The following DMD variants were observed in gnomAD, a reference collection of about 807,000 sequenced individuals.
DMD encodes mutant dystrophin.
A neutral mutation model predicts 330.1 loss-of-function variants in DMD; 63 were observed. The ratio of observed to expected loss-of-function variants is 0.19; its 90% CI spans 0.16 to 0.24. DMD has a LOEUF of 0.24. Among genes scored for constraint, DMD ranks in the 10% least tolerant of loss-of-function variants. DMD has a pLI of 1.00. For missense variants in DMD, 3,344 were observed against 2,684.1 expected (o/e 1.25, Z -5.43); for synonymous variants, 1,223 against 959.8 (o/e 1.27, Z -5.07).
At chrX:32,851,067 T>A (rs1290105908) in intron 2 of DMD, among the ~76,000 whole-genome samples, 1 of 111,957 alleles carries the variant, frequency 8.9e-6, no homozygotes, top group Non-Finnish European at 1.9e-5. Flanking sequence ...ACATTAGCCT[T>A]TGGGTGACTG....
intron 1 of DMD, among the ~76,000 whole-genome samples, chrX:33,084,608 A>G (rs913895825): frequency 1.8e-5 from 2 of 111,222 alleles, no homozygotes; most frequent in African/African-American, 6.5e-5. Flanking sequence ...TGATATGGGT[A>G]GTGCCAGCTG....
intron 9 of DMD, among the ~76,000 whole-genome samples, chrX:32,683,040 T>A (rs1371268084): frequency 8.9e-6 from 1 of 111,821 alleles, no homozygotes; most frequent in African/African-American, 3.3e-5. Flanking sequence ...TAACCAGATC[T>A]AGAATGACTG....
At chrX:33,201,545 C>T (rs2051272914) in intron 1 of DMD, among the ~76,000 whole-genome samples, 1 of 111,167 alleles carries the variant, frequency 9.0e-6, no homozygotes, top group African/African-American at 3.3e-5. Flanking sequence ...TATTAATAGT[C>T]CACGTTACTG....
chrX:31,728,012 T>G (rs73459845), intron 52 of DMD, among the ~76,000 whole-genome samples: 1 of 112,382 alleles, frequency 8.9e-6, no homozygotes, highest in African/African-American at 3.2e-5. Flanking sequence ...ATTTACAAAT[T>G]CCAAGCTCTG....
chrX:32,939,643 ACT>A (rs1272758062), intron 2 of DMD, among the ~76,000 whole-genome samples: 1 of 111,362 alleles, frequency 9.0e-6, no homozygotes, highest in African/African-American at 3.2e-5. Context: ...AATTTCTATG[ACT>A]CTCCATATAA....
intron 60 of DMD, among the ~76,000 whole-genome samples, chrX:31,432,988 T>C (rs914524396): frequency 2.7e-4 from 30 of 111,710 alleles, no homozygotes; most frequent in African/African-American, 8.8e-4. Flanking sequence ...TGGAGTACAG[T>C]TGAACCTGTC....
At chrX:32,840,168 A>C (rs1225369718) in intron 4 of DMD, among the ~76,000 whole-genome samples, 2 of 112,002 alleles carry the variant, frequency 1.8e-5, no homozygotes, top group Non-Finnish European at 3.8e-5. Context: ...GCTCTAGCTC[A>C]GATGAAAGCA....
At chrX:31,228,999 CT>C (rs2046949726) in intron 63 of DMD, among the ~76,000 whole-genome samples, 1 of 112,336 alleles carries the variant, frequency 8.9e-6, no homozygotes, top group Middle Eastern at 4.6e-3. Flanking sequence ...GGCCATTCAT[CT>C]TTTATTTTGA....
At chrX:32,678,488 G>A (rs1307635805) in intron 9 of DMD, among the ~76,000 whole-genome samples, 1 of 109,440 alleles carries the variant, frequency 9.1e-6, no homozygotes, top group East Asian at 2.8e-4. Flanking sequence ...TAGCAACTGT[G>A]TTTGCGTGTC....
chrX:32,802,997 G>A (rs1018307471), intron 7 of DMD, among the ~76,000 whole-genome samples: 1 of 111,658 alleles, frequency 9.0e-6, no homozygotes, highest in Non-Finnish European at 1.9e-5. Flanking sequence ...GAGTTAGGGA[G>A]GAGTCCTTAT....
chrX:31,822,653 G>GTGGGTGTGTGTGT (rs1556919106), intron 49 of DMD, among the ~76,000 whole-genome samples: 1 of 65,809 alleles, frequency 1.5e-5, no homozygotes, highest in African/African-American at 6.4e-5. Flanking sequence ...AAGGCAGAGG[G>GTGGGTGTGTGTGT]GTGTGTGTGT....
chrX:31,301,867 G>C (rs2054669898), intron 62 of DMD, among the ~76,000 whole-genome samples: 1 of 111,943 alleles, frequency 8.9e-6, no homozygotes, highest in Admixed American at 9.5e-5. Context: ...CTCCAGGAAG[G>C]GAATGGGAGG....
chrX:31,562,407 C>A (rs1018166860), intron 55 of DMD, among the ~76,000 whole-genome samples: 2 of 111,878 alleles, frequency 1.8e-5, no homozygotes, highest in Non-Finnish European at 3.8e-5. Context: ...CCTCAAAGAC[C>A]ACAGCAATTT....
At chrX:31,224,932 C>T (rs1045127443) in intron 63 of DMD, among the ~76,000 whole-genome samples, 1 of 112,234 alleles carries the variant, frequency 8.9e-6, no homozygotes, top group Non-Finnish European at 1.9e-5. Context: ...ACTTCTAGAA[C>T]AGGCAAAACT....
chrX:31,328,137 C>T (rs2056894039), intron 61 of DMD, among the ~76,000 whole-genome samples: 2 of 112,231 alleles, frequency 1.8e-5, no homozygotes, highest in Admixed American at 1.9e-4. Flanking sequence ...TCTTTGGGAA[C>T]ATATAAGTTG....
chrX:33,236,226 T>C (rs1005250961), intron 1 of DMD, among the ~76,000 whole-genome samples: 19 of 106,589 alleles, frequency 1.8e-4, no homozygotes, highest in African/African-American at 6.5e-4. Flanking sequence ...GTTATAGTAT[T>C]AAGCAAAACG....
Position 32,901,731 on chromosome X carries a change from G to A in DMD, c.94-51911C>T, listed in dbSNP as rs1369119326. On this transcript the variant is annotated intron_variant, in intron 2 of 78. Coordinates refer to ENST00000357033, the MANE Select transcript of DMD (RefSeq NM_004006.3). ...ATATTATAGGAAAACGCTGAATTACGATCATATAGAAAATTATAAAATAGA... is the reference window on the plus strand; with the variant it reads ...ATATTATAGGAAAACGCTGAATTACAATCATATAGAAAATTATAAAATAGA... 3.6e-5 allele frequency among the ~76,000 whole-genome samples: 4 copies of A among 110,585 alleles called. 1 individual carries two copies. Among genetic ancestry groups the A allele is most frequent in the African/African-American group, 1.3e-4 (4 of 29,908 alleles).
chrX:32,006,359 G>C (rs1198923657), intron 44 of DMD, among the ~76,000 whole-genome samples: 1 of 111,314 alleles, frequency 9.0e-6, no homozygotes, highest in Non-Finnish European at 1.9e-5. Flanking sequence ...AATAAATGTT[G>C]GGAAATTGAG....
At chrX:32,487,885 T>G (rs757497686) in intron 20 of DMD, among the ~76,000 whole-genome samples, 1 of 111,211 alleles carries the variant, frequency 9.0e-6, no homozygotes, top group Non-Finnish European at 1.9e-5. Context: ...AGACAAGAGG[T>G]AAAGGGTAAT....
Sources: gnomAD v4.1 joint callset for allele counts (sites outside exome capture counted in the v4.1 genomes callset) on GRCh38, gnomAD v4.1.1 for gene constraint, MANE v1.5 for transcripts, NCBI Gene and HGNC (gene_info 2026-07-23, HGNC 2026-07-21) for gene names.